The following POLD2 variants were observed in gnomAD, a reference collection of about 807,000 sequenced individuals.
POLD2 encodes the protein DNA polymerase delta subunit 2.
A neutral mutation model predicts 48.8 loss-of-function variants in POLD2; 31 were observed. The observed-to-expected ratio is 0.64, with a 90% CI of 0.48 to 0.86. The LOEUF is 0.86. Ranked by LOEUF, POLD2 falls within the 40% of genes least tolerant of loss-of-function variation. POLD2 has a pLI of 0.00. For synonymous variants in POLD2, 233 were observed against 256.3 expected (o/e 0.91, Z 0.87); for missense variants, 455 against 610.1 (o/e 0.75, Z 2.68).
At position 44,117,653 on chromosome 7, in the gene POLD2, T is replaced by C. The variant is rs1583564628; in HGVS notation, c.432A>G (p.Leu144=). 3.1e-6 allele frequency: 5 copies of C among 1,609,130 alleles called. No individual in the cohort carries two copies. The highest frequency in any genetic ancestry group is 1.7e-5 in the Admixed American group (1 of 59,234). The change falls in exon 4 of 11, where the codon CTA becomes CTG. Residue 144 remains leucine (L), a synonymous_variant. Coordinates refer to ENST00000610533, the MANE Select transcript of POLD2 (RefSeq NM_006230.4). ...VLEDELQRIK[L]KGTIDVSKLV... is the part of the protein sequence containing the mutation. ...GCTTTGACACGTCAATGGTGCCTTT[T>C]AGTTTGATACGCTGCAGTTCATCTT...
In POLD2 at chr7:44,117,759, G is replaced by A. The variant is rs766713573; in HGVS notation, c.343-17C>T. On this transcript the variant is annotated splice_polypyrimidine_tract_variant and intron_variant, in intron 3 of 10. Transcript: ENST00000610533. ...CAGGTTGTGCTGGAATGCAGAGACA[G>A]GAGGTATAATCTTGGGGCCAGAGCC... 1.9e-6 allele frequency: 3 copies of A among 1,613,900 alleles called. No individual in the cohort carries two copies. The highest frequency in any genetic ancestry group is 2.2e-5 in the South Asian group (2 of 91,034).
intron 10 of POLD2, 65 bp from the exon 11 acceptor site, chr7:44,115,010 C>G (rs2096236189): frequency 7.0e-7 from 1 of 1,434,390 alleles, no homozygotes; most frequent in South Asian, 1.3e-5. Flanking sequence ...AGAGAAGCTG[C>G]CAGAAATAAA....
At chr7:44,123,254 C>T in intron 1 of POLD2, 1 of 1,352,698 alleles carries the variant, frequency 7.4e-7, no homozygotes. Flanking sequence ...ACAGGCTCCG[C>T]ACACGTGTCT....
At chr7:44,123,830 C>A (rs551420684), upstream of POLD2, among the ~76,000 whole-genome samples, 1 of 152,342 alleles carries the variant, frequency 6.6e-6, no homozygotes, top group East Asian at 1.9e-4. Context: ...AGTGGGCTGA[C>A]CGCGTCACCC....
At chr7:44,117,771 T>C in intron 3 of POLD2, 29 bp from the exon 4 acceptor site, 2 of 1,613,728 alleles carry the variant, frequency 1.2e-6, no homozygotes, top group South Asian at 2.2e-5. Flanking sequence ...AGGTATAATC[T>C]TGGGGCCAGA....
chr7:44,118,600 C>A (rs1283908279), intron 2 of POLD2, among the ~76,000 whole-genome samples: 1 of 152,218 alleles, frequency 6.6e-6, no homozygotes, highest in African/African-American at 2.4e-5. Flanking sequence ...GCAAGCTCCG[C>A]CTCCCGGGTT....
chr7:44,117,584 C>T (rs1223069392), intron 4 of POLD2, 35 bp downstream of exon 4: 1 of 1,583,788 alleles, frequency 6.3e-7, no homozygotes, highest in East Asian at 2.3e-5. Context: ...GGCTCTTCAC[C>T]TGCATCACCC....
intron 4 of POLD2, 112 bp from the exon 5 acceptor site, chr7:44,117,359 T>C: frequency 1.2e-6 from 1 of 809,262 alleles, no homozygotes; most frequent in South Asian, 1.6e-5. Context: ...TGGTGAATTC[T>C]CACCTAGGAC....
rs1047684753 is a variant in POLD2, at chr7:44,118,194, G to C, written c.221-130C>G. The C allele has an allele frequency of 8.5e-6, 9 of 1,055,572 alleles. No homozygotes were observed. The African/African-American group carries it at 1.4e-4, about 17-fold the overall frequency. 65.4% of individuals were successfully genotyped at this position (1,055,572 alleles called of 1,614,324 possible). A position where few individuals can be genotyped will look rare whatever the true frequency, so the allele number is the denominator to read the frequency against. On this transcript the variant is annotated intron_variant, in intron 2 of 10. Coordinates refer to ENST00000610533, the MANE Select transcript of POLD2 (RefSeq NM_006230.4). The stretch of plus-strand genomic sequence containing the variant: ...TGGCCTTGCCAGGAGAGAACATCAA[G>C]TACAAGGACCCCCTGGACTTCACGG...
At chr7:44,123,734 G>A, upstream of POLD2, 5 of 1,337,090 alleles carry the variant, frequency 3.7e-6, no homozygotes, top group South Asian at 1.9e-5. Context: ...GGGCAACGCG[G>A]GGCGGGGGCT....
rs998728371 is a variant in POLD2 at position 44,117,246 on chromosome 7, C to T, written c.468G>A (p.Gly156=). 6 of 1,611,108 alleles carry T rather than the reference C, an allele frequency of 3.7e-6. No individual in the cohort carries two copies. The African/African-American group carries it at 5.3e-5, about 14-fold the overall frequency. ...GTIDVSKLVT[G]TVLAVFGSVR... is the part of the protein sequence containing the mutation. Reference sequence around the variant, plus strand: ...CGGAGCCAAACACAGCCAGGACAGTCCCTGGGGAGCAGTGGCATCAGGCCT... The same window carrying T: ...CGGAGCCAAACACAGCCAGGACAGTTCCTGGGGAGCAGTGGCATCAGGCCT... Residue 156 remains glycine (G), a splice_region_variant and synonymous_variant, in exon 5 of 11, where the codon GGG becomes GGA. Coordinates refer to ENST00000610533, the MANE Select transcript of POLD2 (RefSeq NM_006230.4).
chr7:44,117,103 TG>T, intron 5 of POLD2, 29 bp downstream of exon 5: 1 of 1,611,260 alleles, frequency 6.2e-7, no homozygotes, highest in Non-Finnish European at 8.5e-7. Flanking sequence ...GACCATGAGC[TG>T]GTTCCAGCTC....
Position 44,117,723 on chromosome 7 carries a change from G to A in POLD2, c.362C>T (p.Pro121Leu), listed in dbSNP as rs140100815. The change falls in exon 4 of 11, where the codon CCT (proline) becomes CTT (leucine). Residue 121 changes from proline to leucine, a missense_variant. Physicochemically the swap from Pro to Leu is moderately conservative, Grantham distance 98. Coordinates refer to ENST00000610533, the MANE Select transcript of POLD2 (RefSeq NM_006230.4). ...TGGGTGTATGTATTTACTCCGAGGA[G>A]GCTGGGGGAGCAGGTTGTGCTGGAA... Reference protein sequence around the residue: ...VSEEHNLLPQPPRSKYIHPDD... With the variant: ...VSEEHNLLPQLPRSKYIHPDD... 297 of 1,613,674 alleles carry A rather than the reference G, an allele frequency of 1.8e-4. No homozygotes were observed. The highest frequency in any genetic ancestry group is 6.6e-4 in the Middle Eastern group (4 of 6,084).
chr7:44,123,688 C>A, upstream of POLD2: 4 of 1,354,198 alleles, frequency 3.0e-6, no homozygotes, highest in South Asian at 3.5e-5. Context: ...GTCCCTGGGA[C>A]GCCCAGAGAA....
At chr7:44,118,112 C>T (rs775901604) in intron 2 of POLD2, 48 bp from the exon 3 acceptor site, 19 of 1,603,002 alleles carry the variant, frequency 1.2e-5, no homozygotes, top group Admixed American at 6.7e-5. Flanking sequence ...CCCCCCCGCC[C>T]GACAGAGGCC....
At chr7:44,117,300 C>T in intron 4 of POLD2, 53 bp from the exon 5 acceptor site, 1 of 1,320,190 alleles carries the variant, frequency 7.6e-7, no homozygotes. Flanking sequence ...GCTACCACTC[C>T]TTCCAGTCAC....
chr7:44,117,755 G>A lies in POLD2; in HGVS notation c.343-13C>T. ...GGAGCAGGTTGTGCTGGAATGCAGA[G>A]ACAGGAGGTATAATCTTGGGGCCAG... On this transcript the variant is annotated splice_polypyrimidine_tract_variant and intron_variant, in intron 3 of 10. Transcript: ENST00000610533. The A allele has an allele frequency of 6.2e-7, 1 of 1,613,914 alleles. No individual in the cohort carries two copies. The highest frequency in any genetic ancestry group is 8.5e-7 in the Non-Finnish European group (1 of 1,179,926).
At position 44,121,801 on chromosome 7, in the gene POLD2, G is replaced by A. The variant is rs777007064; in HGVS notation, c.220+33C>T. On this transcript the variant is annotated intron_variant, in intron 2 of 10. Coordinates refer to ENST00000610533, the MANE Select transcript of POLD2 (RefSeq NM_006230.4). The surrounding 1 kb of genome is among the most constrained non-coding windows in gnomAD (Gnocchi z 4.5). ...GAACACTTCTAAGTTCAGGGATGCT[G>A]TGGGGGAAGCACCTTCCCAAACTCT... is the stretch of plus-strand genomic sequence containing the variant. The A allele has an allele frequency of 6.3e-7, 1 of 1,594,458 alleles. No individual in the cohort carries two copies. The highest frequency in any genetic ancestry group is 8.6e-7 in the Non-Finnish European group (1 of 1,167,674).
At position 44,121,125 on chromosome 7, in the gene POLD2, T is replaced by C. The variant is rs945523670; in HGVS notation, c.220+709A>G. ...CTAAATCCTCAGTTTAAAAATATAA[T>C]AGGAGATGGATTTGAAAATTACCTG... is the stretch of plus-strand genomic sequence containing the variant. On this transcript the variant is annotated intron_variant, in intron 2 of 10. Transcript: ENST00000610533. This position sits in a 1 kb window ranked among gnomAD's most constrained non-coding sequence, Gnocchi z 4.5. Among the ~76,000 whole-genome samples, 2 of 152,184 alleles carry C rather than the reference T, an allele frequency of 1.3e-5. No homozygotes were observed. The highest frequency in any genetic ancestry group is 4.8e-5 in the African/African-American group (2 of 41,504).
Sources: allele counts gnomAD v4.1 joint callset (sites outside exome capture counted in the v4.1 genomes callset), GRCh38; gene constraint gnomAD v4.1.1; non-coding constraint Gnocchi (gnomAD v3.1); transcripts MANE v1.5; gene names NCBI Gene and HGNC (gene_info 2026-07-23, HGNC 2026-07-21).